Variants in TMEM79 observed in about 807,000 individuals in gnomAD.
The protein encoded by TMEM79 is transmembrane protein 79.
Under a neutral mutation model 31.2 loss-of-function variants are expected in TMEM79, and 30 were observed. That is an observed-to-expected ratio of 0.96 (90% CI 0.72 to 1.30). TMEM79 has a LOEUF of 1.30. Ranked by LOEUF, TMEM79 falls within the 50% of genes most tolerant of loss-of-function variation. The probability of loss-of-function intolerance (pLI) is 0.00; values close to 1 mark genes in which losing one functional copy is unlikely to be tolerated. For missense variants in TMEM79, 509 were observed against 528.2 expected (o/e 0.96, Z 0.36); for synonymous variants, 213 against 229.5 (o/e 0.93, Z 0.65).
Position 156,291,377 on chromosome 1 carries a change from C to G in TMEM79, c.972-8C>G. 6.2e-7 allele frequency: 1 copy of G among 1,613,388 alleles called. No individual in the cohort carries two copies. On this transcript the variant is annotated splice_region_variant and splice_polypyrimidine_tract_variant and intron_variant, in intron 3 of 3. Transcript: ENST00000405535. The stretch of plus-strand genomic sequence containing the variant: ...GAGAGTAGCCTGACCCTTTTCTTGC[C>G]CCCATAGGCTGATCTACTGGCTGAC...
rs764935907 is a variant in TMEM79, at chr1:156,286,301, C to G, written c.799C>G (p.Leu267Val). Residue 267 changes from leucine to valine, a missense_variant, in exon 3 of 4, where the codon CTT becomes GTT. Physicochemically the swap from Leu to Val is conservative, Grantham distance 32. Transcript: ENST00000405535. ...GCTGAGCCTGTTATGCTTTTCTGCC[C>G]TTCGGCCCTTTGGGGAGCCACGGCG... ...YGLSLLCFSA[L>V]RPFGEPRREV... 4 of 1,614,150 alleles carry G rather than the reference C, an allele frequency of 2.5e-6. No homozygotes were observed. The highest frequency in any genetic ancestry group is 3.4e-6 in the Non-Finnish European group (4 of 1,180,058).
chr1:156,287,817 C>G (rs1181293361), intron 3 of TMEM79, among the ~76,000 whole-genome samples: 1 of 151,876 alleles, frequency 6.6e-6, no homozygotes, highest in Non-Finnish European at 1.5e-5. Flanking sequence ...AGGGTTTCAC[C>G]ATGTTGGCCA....
At position 156,291,608 on chromosome 1, in the gene TMEM79, C is replaced by T. The variant is rs113763043; in HGVS notation, c.*10C>T. 1.4e-3 allele frequency: 2,236 copies of T among 1,611,174 alleles called. 39 individuals carry two copies. In the African/African-American group the frequency reaches 0.026, roughly 19 times the overall value. ...CCGCCCCTGGGGCTGAGCCTCTCCG[C>T]CCTCGCCCTCGGAGTAGGGGGTAGC... On this transcript the variant is annotated 3_prime_UTR_variant, in exon 4 of 4. Transcript: ENST00000405535.
rs1663236083 is a variant in TMEM79 at position 156,288,680 on chromosome 1, A to G, written c.971+2207A>G. Among the ~76,000 whole-genome samples the G allele has an allele frequency of 1.3e-5, 2 of 152,172 alleles. 1 individual carries two copies. The highest frequency in any genetic ancestry group is 4.1e-4 in the South Asian group (2 of 4,822). On this transcript the variant is annotated intron_variant, in intron 3 of 3. Coordinates refer to ENST00000405535, the MANE Select transcript of TMEM79 (RefSeq NM_032323.3). ...ATACAGGATTCCAGGTAGCTCGCTA[A>G]AATAAAATATTCTTCCTATTGAGCT...
chr1:156,286,598 G>A, intron 3 of TMEM79, 125 bp downstream of exon 3: 1 of 925,480 alleles, frequency 1.1e-6, no homozygotes, highest in Non-Finnish European at 1.6e-6. Context: ...TGTGTGCCCT[G>A]GGGAGATAAG....
chr1:156,285,574 C>T lies in TMEM79; in HGVS notation c.348C>T (p.Asp116=), dbSNP rs757396503. 9.4e-5 allele frequency: 152 copies of T among 1,614,132 alleles called. No individual in the cohort carries two copies. The highest frequency in any genetic ancestry group is 1.3e-4 in the Non-Finnish European group (149 of 1,180,062). The change falls in exon 2 of 4, where the codon GAC becomes GAT. Residue 116 remains aspartate, a synonymous_variant. Transcript: ENST00000405535. ...CCAAGCTAGAGGAGCTGCCCGAAGA[C>T]GATGCCAACCTGCTGCCTGAGAAAG... ...PLTKLEELPE[D]DANLLPEKAA...
intron 3 of TMEM79, among the ~76,000 whole-genome samples, chr1:156,289,445 AAAAAT>A (rs1209273364): frequency 6.6e-6 from 1 of 152,194 alleles, no homozygotes; most frequent in Non-Finnish European, 1.5e-5. Flanking sequence ...CGTCTCTACT[AAAAAT>A]AAAAATAAAA....
At chr1:156,287,298 C>A (rs1663194591) in intron 3 of TMEM79, among the ~76,000 whole-genome samples, 1 of 152,052 alleles carries the variant, frequency 6.6e-6, no homozygotes, top group Non-Finnish European at 1.5e-5. Flanking sequence ...CATCTGTAAT[C>A]CCAGCTATTC....
intron 3 of TMEM79, chr1:156,290,423 G>A (rs1031774769): frequency 4.6e-5 from 7 of 151,924 alleles, no homozygotes; most frequent in Admixed American, 1.3e-4. Context: ...TGTAATCTCA[G>A]CACTTTGGGA....
chr1:156,291,439 C>T lies in TMEM79; in HGVS notation c.1026C>T (p.Tyr342=), dbSNP rs1358419681. Residue 342 remains tyrosine, a synonymous_variant, in exon 4 of 4, where the codon TAC becomes TAT. Coordinates refer to ENST00000405535, the MANE Select transcript of TMEM79 (RefSeq NM_032323.3). ...AVGRSFRGFG[Y]GLTFLPLLSM... Reference sequence around the variant, plus strand: ...GCCGCTCCTTCCGAGGCTTCGGCTACGGCCTGACGTTTCTGCCACTGCTGT... The same window carrying T: ...GCCGCTCCTTCCGAGGCTTCGGCTATGGCCTGACGTTTCTGCCACTGCTGT... 4 of 1,614,040 alleles carry T rather than the reference C, an allele frequency of 2.5e-6. No homozygotes were observed. The highest frequency in any genetic ancestry group is 3.4e-6 in the Non-Finnish European group (4 of 1,180,036).
intron 1 of TMEM79, 75 bp from the exon 2 acceptor site, chr1:156,285,109 G>T: frequency 1.5e-6 from 2 of 1,330,178 alleles, no homozygotes; most frequent in Non-Finnish European, 2.0e-6. Flanking sequence ...GCCCTGGAGA[G>T]TATGAGTTCT....
At chr1:156,291,298 C>G in intron 3 of TMEM79, 87 bp from the exon 4 acceptor site, 2 of 1,255,168 alleles carry the variant, frequency 1.6e-6, no homozygotes, top group South Asian at 2.6e-5. Context: ...TCTGCCTCCC[C>G]TATCTACTCC....
In TMEM79 at chr1:156,285,999, G is replaced by A. The variant is rs756887670; in HGVS notation, c.757+16G>A. The A allele has an allele frequency of 1.9e-6, 3 of 1,586,870 alleles. No individual in the cohort carries two copies. The highest frequency in any genetic ancestry group is 2.7e-5 in the African/African-American group (2 of 74,538). ...ATTGTGCTGGGTGAGCCTGTGAGAA[G>A]AAAGGGGGCATCGGGAAGTGGACTT... On this transcript the variant is annotated intron_variant, in intron 2 of 3. Coordinates refer to ENST00000405535, the MANE Select transcript of TMEM79 (RefSeq NM_032323.3).
At chr1:156,291,012 C>T in intron 3 of TMEM79, 3 of 229,558 alleles carry the variant, frequency 1.3e-5, no homozygotes, top group South Asian at 8.1e-5. Context: ...TGGTGGCCCG[C>T]ATCTGTAATC....
At chr1:156,288,787 A>G (rs1012860186) in intron 3 of TMEM79, among the ~76,000 whole-genome samples, 3 of 152,158 alleles carry the variant, frequency 2.0e-5, no homozygotes, top group Admixed American at 6.5e-5. Flanking sequence ...GCAGCCTTGC[A>G]TTTTCTCCCA....
rs373208150 is a variant in TMEM79 at position 156,286,403 on chromosome 1, C to T, written c.901C>T (p.Leu301Phe). 10 of 1,614,088 alleles carry T rather than the reference C, an allele frequency of 6.2e-6. No individual in the cohort carries two copies. Among genetic ancestry groups the T allele is most frequent in the Non-Finnish European group, 8.5e-6 (10 of 1,180,048 alleles). ...FILYFFNLAVLSTYLPQDTLK... is the reference protein window; with the variant it reads ...FILYFFNLAVFSTYLPQDTLK... ...TCTCTACTTCTTCAACCTGGCCGTG[C>T]TTTCCACTTACCTGCCCCAGGATAC... Residue 301 changes from leucine to phenylalanine, a missense_variant, in exon 3 of 4, where the codon CTT (leucine) becomes TTT (phenylalanine). Coordinates refer to ENST00000405535, the MANE Select transcript of TMEM79 (RefSeq NM_032323.3).
Position 156,291,822 on chromosome 1 carries a change from T to C in TMEM79, c.*224T>C. On this transcript the variant is annotated 3_prime_UTR_variant, in exon 4 of 4. Transcript: ENST00000405535. The stretch of plus-strand genomic sequence containing the variant: ...GTCATAAGGGATGGACTTAGTTTTC[T>C]TGCAGGGAAAAAGGTGGACAGCCGT... 1.7e-6 allele frequency: 1 copy of C among 599,156 alleles called. No homozygotes were observed. The highest frequency in any genetic ancestry group is 2.9e-5 in the Admixed American group (1 of 33,936). 37.1% of individuals were successfully genotyped at this position (599,156 alleles called of 1,614,324 possible).
At chr1:156,283,287 G>T (rs895713966), upstream of TMEM79, among the ~76,000 whole-genome samples, 4 of 152,200 alleles carry the variant, frequency 2.6e-5, no homozygotes, top group African/African-American at 9.7e-5. Flanking sequence ...AGCCCCGGAA[G>T]AAATGACTTG....
At chr1:156,287,878 A>C (rs2101590487) in intron 3 of TMEM79, among the ~76,000 whole-genome samples, 1 of 151,880 alleles carries the variant, frequency 6.6e-6, no homozygotes, top group South Asian at 2.1e-4. Context: ...TCAGCCTCCC[A>C]AAGTACTGGG....
Sources: gnomAD v4.1 joint callset for allele counts (sites outside exome capture counted in the v4.1 genomes callset) on GRCh38, gnomAD v4.1.1 for gene constraint, MANE v1.5 for transcripts, NCBI Gene and HGNC (gene_info 2026-07-23, HGNC 2026-07-21) for gene names.